MAP3K4: variants seen among roughly 807,000 people sequenced by gnomAD.
MAP3K4 encodes the protein MAP three kinase 1.
MAP3K4 carries 67 observed loss-of-function variants against 185.6 expected under a neutral mutation model. That is an observed-to-expected ratio of 0.36 (90% CI 0.30 to 0.44). The LOEUF (loss-of-function observed/expected upper bound fraction) is 0.44, where lower values mean the gene tolerates loss of function less well. Ranked by LOEUF, MAP3K4 falls within the 20% of genes least tolerant of loss-of-function variation. MAP3K4 has a pLI of 1.00. For missense variants in MAP3K4, 1,551 were observed against 1,995.1 expected, an observed-to-expected ratio of 0.78 and a Z score of 4.24; for synonymous variants, 702 against 710.4, an observed-to-expected ratio of 0.99 and a Z score of 0.19.
rs1393306569 is a variant in MAP3K4 at position 161,117,157 on chromosome 6, G to C, written c.*287G>C. ...TCCGTGTCTCGCGCGACTGAGAACC[G>C]TGACATCAGCGTAGTGTTTTGACCT... On this transcript the variant is annotated 3_prime_UTR_variant, in exon 27 of 27. Transcript: ENST00000392142. 4 of 410,182 alleles carry C rather than the reference G, an allele frequency of 9.8e-6. No homozygotes were observed. Among genetic ancestry groups the C allele is most frequent in the Non-Finnish European group, 1.7e-5 (4 of 228,852 alleles). The allele number at this position is 410,182 out of a possible 1,614,324, so 25.4% of individuals were successfully genotyped here. A position where few individuals can be genotyped will look rare whatever the true frequency, so the allele number is the denominator to read the frequency against.
At position 160,997,581 on chromosome 6, in the gene MAP3K4, C is replaced by T. The variant is rs780429700; in HGVS notation, c.152+5498C>T. The stretch of plus-strand genomic sequence containing the variant: ...GTATTTCTGATGTATACATACTCAC[C>T]GCTGTGTTCAGCAAGAACAAACAGA... On this transcript the variant is annotated intron_variant, in intron 1 of 26. Transcript: ENST00000392142. Among the ~76,000 whole-genome samples, 11 of 152,276 alleles carry T rather than the reference C, an allele frequency of 7.2e-5. 1 individual carries two copies. Among genetic ancestry groups the T allele is most frequent in the South Asian group, 4.1e-4 (2 of 4,826 alleles).
chr6:161,060,641 A>G (rs569492575), intron 3 of MAP3K4, among the ~76,000 whole-genome samples: 16 of 129,640 alleles, frequency 1.2e-4, no homozygotes, highest in Admixed American at 3.3e-4. Context: ...TTTTTTTGAG[A>G]AGGAGTGTCA....
At position 161,114,240 on chromosome 6, in the gene MAP3K4, C is replaced by A. The variant is rs936293846; in HGVS notation, c.4627-883C>A. Among the ~76,000 whole-genome samples, 1 of 152,116 alleles carries A rather than the reference C, an allele frequency of 6.6e-6. No homozygotes were observed. The highest frequency in any genetic ancestry group is 1.5e-5 in the Non-Finnish European group (1 of 68,010). On this transcript the variant is annotated intron_variant, in intron 25 of 26. Transcript: ENST00000392142. The surrounding 1 kb of genome is among the most constrained non-coding windows in gnomAD (Gnocchi z 4.3). The stretch of plus-strand genomic sequence containing the variant: ...AAGTTTTCTGCTTCTGAAAATGTAT[C>A]TTATGATGATAATATTAATGAGCAG...
At chr6:161,069,311 T>C (rs1475969228) in intron 3 of MAP3K4, among the ~76,000 whole-genome samples, 4 of 152,164 alleles carry the variant, frequency 2.6e-5, no homozygotes, top group Admixed American at 2.0e-4. Context: ...AGTGGCATGC[T>C]GTTGGGGGCG....
At chr6:161,018,294 G>A (rs989546287) in intron 1 of MAP3K4, among the ~76,000 whole-genome samples, 2 of 152,154 alleles carry the variant, frequency 1.3e-5, no homozygotes, top group Non-Finnish European at 2.9e-5. Flanking sequence ...TGAGTAGATT[G>A]TGTGGAATAG....
In MAP3K4 at chr6:161,097,709, C is replaced by T. The variant is rs1777631902; in HGVS notation, c.3524+533C>T. Among the ~76,000 whole-genome samples, 2 of 152,102 alleles carry T rather than the reference C, an allele frequency of 1.3e-5. No homozygotes were observed. The highest frequency in any genetic ancestry group is 4.8e-5 in the African/African-American group (2 of 41,436). On this transcript the variant is annotated intron_variant, in intron 16 of 26. Coordinates refer to ENST00000392142, the MANE Select transcript of MAP3K4 (RefSeq NM_005922.4). This position sits in a 1 kb window ranked among gnomAD's most constrained non-coding sequence, Gnocchi z 4.9. ...TCTTGAGGTAGTGAGCACCTTCTCT[C>T]GCCTGTATAATCAGTTTTTAAAAGT...
At chr6:161,051,000 A>G (rs1380281263) in intron 3 of MAP3K4, among the ~76,000 whole-genome samples, 1 of 152,244 alleles carries the variant, frequency 6.6e-6, no homozygotes. Context: ...TAACCAATGC[A>G]CAACCTCGTA....
rs1395211658 is a variant in MAP3K4 at position 161,106,165 on chromosome 6, C to T, written c.3857-349C>T. ...GAATTAAATTTATGTAGGACAGTAA[C>T]ATGATCACATTTTATGTTTTAATAA... On this transcript the variant is annotated intron_variant, in intron 19 of 26. Transcript: ENST00000392142. This position sits in a 1 kb window ranked among gnomAD's most constrained non-coding sequence, Gnocchi z 4.9. Among the ~76,000 whole-genome samples, 2 of 152,040 alleles carry T rather than the reference C, an allele frequency of 1.3e-5. No individual in the cohort carries two copies. The highest frequency in any genetic ancestry group is 2.9e-5 in the Non-Finnish European group (2 of 68,016).
rs1459521091 is a variant in MAP3K4, at chr6:161,100,630, A to G, written c.3675-1262A>G. 2.0e-5 allele frequency among the ~76,000 whole-genome samples: 3 copies of G among 152,198 alleles called. No homozygotes were observed. On this transcript the variant is annotated intron_variant, in intron 17 of 26. Transcript: ENST00000392142. This position sits in a 1 kb window ranked among gnomAD's most constrained non-coding sequence, Gnocchi z 5.8. ...ATCCCCGACATCCCCCACCAGAGCTAGTCGTTCAACATTCCCCAATATGCC... is the reference window on the plus strand; with the variant it reads ...ATCCCCGACATCCCCCACCAGAGCTGGTCGTTCAACATTCCCCAATATGCC...
In MAP3K4 at chr6:161,088,811, G is replaced by T. The variant is rs1040306619; in HGVS notation, c.2824-511G>T. ...TCTCTCCAATTCTGTGTTTGTTTTT[G>T]TGCTTCTAGAATGATCATTATAATA... On this transcript the variant is annotated intron_variant, in intron 10 of 26. Coordinates refer to ENST00000392142, the MANE Select transcript of MAP3K4 (RefSeq NM_005922.4). The surrounding 1 kb of genome is among the most constrained non-coding windows in gnomAD (Gnocchi z 4.5). Among the ~76,000 whole-genome samples, 1 of 152,052 alleles carries T rather than the reference G, an allele frequency of 6.6e-6. No homozygotes were observed. The highest frequency in any genetic ancestry group is 2.4e-5 in the African/African-American group (1 of 41,402).
At position 161,049,329 on chromosome 6, in the gene MAP3K4, C is replaced by G; in HGVS notation, c.1057C>G (p.Gln353Glu). The change falls in exon 3 of 27, where the codon CAG becomes GAG. Residue 353 changes from glutamine to glutamate, a missense_variant. Gln to Glu is a conservative substitution (Grantham distance 29, BLOSUM62 2). This residue lies in a region of MAP3K4 where 93 missense variants were observed against 96.7 expected (regional missense o/e 0.96). Transcript: ENST00000392142. This position sits in a 1 kb window ranked among gnomAD's most constrained non-coding sequence, Gnocchi z 8.4. ...CCAACGCCAGAGGGTCTCATTTGAG[C>G]AGGTAAAACGGATAATGGAGCTGCT... ...HLQRQRVSFE[Q>E]VKRIMELLEY... 1 of 1,614,150 alleles carries G rather than the reference C, an allele frequency of 6.2e-7. No homozygotes were observed. The highest frequency in any genetic ancestry group is 8.5e-7 in the Non-Finnish European group (1 of 1,180,032).
At chr6:161,030,895 G>A (rs542943472) in intron 1 of MAP3K4, among the ~76,000 whole-genome samples, 1 of 152,320 alleles carries the variant, frequency 6.6e-6, no homozygotes, top group East Asian at 1.9e-4. Context: ...CATGTTGACT[G>A]CATTAAGTAA....
chr6:161,109,897 T>A lies in MAP3K4; in HGVS notation c.4379T>A (p.Val1460Asp). The A allele has an allele frequency of 6.2e-7, 1 of 1,614,006 alleles. No homozygotes were observed. The highest frequency in any genetic ancestry group is 8.5e-7 in the Non-Finnish European group (1 of 1,180,008). The change falls in exon 23 of 27, where the codon GTC (valine) becomes GAC (aspartate). Residue 1460 changes from valine to aspartate, a missense_variant. Around this residue, in one of 16 missense-constraint regions of MAP3K4, gnomAD observed 159 missense variants for 300.5 expected, o/e 0.53. Transcript: ENST00000392142. This position sits in a 1 kb window ranked among gnomAD's most constrained non-coding sequence, Gnocchi z 5.7. ...AACGTCCTCCATGAGCATGGCATAG[T>A]CCACCGTGACATTAAAGGTAATCCC... The part of the protein sequence containing the change: ...AINVLHEHGI[V>D]HRDIKGANIF...
At position 161,086,773 on chromosome 6, in the gene MAP3K4, G is replaced by A; in HGVS notation, c.2556+106G>A. The A allele has an allele frequency of 2.4e-6, 2 of 826,152 alleles. No individual in the cohort carries two copies. The highest frequency in any genetic ancestry group is 5.3e-5 in the East Asian group (2 of 37,852). The allele number at this position is 826,152 out of a possible 1,614,324, so 51.2% of individuals were successfully genotyped here. A position where few individuals can be genotyped will look rare whatever the true frequency, so the allele number is the denominator to read the frequency against. ...CCAGATAGTAAATATTACAGGCTCT[G>A]AAGGCTGTACCACAACCCCAGTTGT... On this transcript the variant is annotated intron_variant, in intron 9 of 26. Coordinates refer to ENST00000392142, the MANE Select transcript of MAP3K4 (RefSeq NM_005922.4). The surrounding 1 kb of genome is among the most constrained non-coding windows in gnomAD (Gnocchi z 4.8).
At chr6:161,113,959 G>A (rs949666612) in intron 25 of MAP3K4, among the ~76,000 whole-genome samples, 26 of 151,792 alleles carry the variant, frequency 1.7e-4, no homozygotes, top group Admixed American at 1.5e-3. Flanking sequence ...CACCATGCCT[G>A]GCTAAGTTTT....
At chr6:161,002,589 C>CTT (rs34733206) in intron 1 of MAP3K4, among the ~76,000 whole-genome samples, 11,500 of 106,468 alleles carry the variant, frequency 0.11, 1,428 homozygotes, top group South Asian at 0.12. Flanking sequence ...ATAGTTTTGG[C>CTT]TTTTTTTTTT....
At chr6:161,030,141 C>T (rs1782858427) in intron 1 of MAP3K4, among the ~76,000 whole-genome samples, 1 of 151,996 alleles carries the variant, frequency 6.6e-6, no homozygotes, top group Non-Finnish European at 1.5e-5. Flanking sequence ...CTGTGCCTCC[C>T]TTCTCTAGTT....
chr6:161,067,453 A>G lies in MAP3K4; in HGVS notation c.1708-3155A>G, dbSNP rs776351373. Among the ~76,000 whole-genome samples, 1 of 152,220 alleles carries G rather than the reference A, an allele frequency of 6.6e-6. No individual in the cohort carries two copies. The highest frequency in any genetic ancestry group is 1.5e-5 in the Non-Finnish European group (1 of 68,046). ...TTAGCTTAATGATTTGGGGGCTCCA[A>G]GATTTGTTTTCCTTTCACAACCCTG... On this transcript the variant is annotated intron_variant, in intron 3 of 26. Transcript: ENST00000392142. This position sits in a 1 kb window ranked among gnomAD's most constrained non-coding sequence, Gnocchi z 6.3.
intron 1 of MAP3K4, among the ~76,000 whole-genome samples, chr6:160,999,875 A>G (rs1481792230): frequency 1.3e-5 from 2 of 152,268 alleles, no homozygotes; most frequent in African/African-American, 2.4e-5. Context: ...AAATGCAAAT[A>G]GAAAATATGA....
Sources: gnomAD v4.1 joint callset for allele counts (sites outside exome capture counted in the v4.1 genomes callset) on GRCh38, gnomAD v4.1.1 for gene constraint, gnomAD v4.1.1 regional missense constraint, Gnocchi (gnomAD v3.1) non-coding constraint, MANE v1.5 for transcripts, NCBI Gene and HGNC (gene_info 2026-07-23, HGNC 2026-07-21) for gene names.